SPTSSA: variants seen among roughly 807,000 people sequenced by gnomAD.
SPTSSA encodes small subunit of serine palmitoyltransferase A.
In SPTSSA, 8 loss-of-function variants were observed where a neutral mutation model predicts 9.1. The observed-to-expected ratio is 0.88, with a 90% CI of 0.51 to 1.58. SPTSSA has a LOEUF of 1.58. Among genes scored for constraint, SPTSSA ranks in the 40% most tolerant of loss-of-function variants. The pLI is 0.00. For missense variants in SPTSSA, 100 were observed against 93.8 expected (o/e 1.07, Z -0.27); for synonymous variants, 42 against 37.7 (o/e 1.11, Z -0.41).
chr14:34,444,633 C>T (rs923997249), intron 1 of SPTSSA, among the ~76,000 whole-genome samples: 2 of 151,460 alleles, frequency 1.3e-5, no homozygotes. Context: ...GCACCTGTAA[C>T]CCCAGCTACC....
chr14:34,454,611 T>C (rs1458763290), intron 1 of SPTSSA, among the ~76,000 whole-genome samples: 2 of 151,986 alleles, frequency 1.3e-5, no homozygotes, highest in East Asian at 3.9e-4. Context: ...GGCCCTGGAG[T>C]TAACAAGACA....
chr14:34,458,793 T>C (rs1878546747), intron 1 of SPTSSA, among the ~76,000 whole-genome samples: 1 of 151,924 alleles, frequency 6.6e-6, no homozygotes. Context: ...TTCTAGCTAT[T>C]TGACTTGGGA....
chr14:34,458,663 ATTTTTT>A (rs35426259), intron 1 of SPTSSA, among the ~76,000 whole-genome samples: 5 of 89,618 alleles, frequency 5.6e-5, no homozygotes, highest in South Asian at 3.6e-4. Context: ...CACTCAGCTA[ATTTTTT>A]TTTTTTTTTT....
intron 1 of SPTSSA, among the ~76,000 whole-genome samples, chr14:34,437,983 T>G (rs1883264857): frequency 6.6e-6 from 1 of 152,000 alleles, no homozygotes; most frequent in South Asian, 2.1e-4. Flanking sequence ...TTATTATTTT[T>G]GTAGAGATGG....
rs774640326 is a variant in SPTSSA, at chr14:34,435,161, G to C, written c.*40C>G. On this transcript the variant is annotated 3_prime_UTR_variant, in exon 2 of 2. Transcript: ENST00000298130. ...GGTCTCATTCCAACTTCGTAGGGTGGGTCTTCCCCAAGGAACCTCTGATCC... is the reference window on the plus strand; with the variant it reads ...GGTCTCATTCCAACTTCGTAGGGTGCGTCTTCCCCAAGGAACCTCTGATCC... 88 of 1,529,230 alleles carry C rather than the reference G, an allele frequency of 5.8e-5. No homozygotes were observed. The highest frequency in any genetic ancestry group is 7.5e-5 in the Non-Finnish European group (83 of 1,108,182). 94.7% of individuals were successfully genotyped at this position (1,529,230 alleles called of 1,614,324 possible).
At chr14:34,439,845 G>A (rs115766583) in intron 1 of SPTSSA, among the ~76,000 whole-genome samples, 2,630 of 152,264 alleles carry the variant, frequency 0.017, 83 homozygotes, top group African/African-American at 0.061. Flanking sequence ...AAGTATCTGT[G>A]TTCTTAACCA....
chr14:34,443,172 T>TGTGTGTGTGTG (rs1883353252), intron 1 of SPTSSA, among the ~76,000 whole-genome samples: 2 of 60,690 alleles, frequency 3.3e-5, no homozygotes, highest in Non-Finnish European at 5.5e-5. Context: ...TGTGTGTGTG[T>TGTGTGTGTGTG]TTTGAGATTG....
intron 1 of SPTSSA, among the ~76,000 whole-genome samples, chr14:34,456,461 G>A (rs1201117896): frequency 6.6e-6 from 1 of 152,150 alleles, no homozygotes; most frequent in Admixed American, 6.5e-5. Flanking sequence ...GTCTTTCAGG[G>A]TGAATCTAAT....
At chr14:34,451,489 C>A (rs1883519903) in intron 1 of SPTSSA, among the ~76,000 whole-genome samples, 1 of 151,960 alleles carries the variant, frequency 6.6e-6, no homozygotes, top group South Asian at 2.1e-4. Flanking sequence ...TTTGGGAGGC[C>A]AAGGTGGGCA....
intron 1 of SPTSSA, among the ~76,000 whole-genome samples, chr14:34,455,464 AC>A (rs1425159015): frequency 3.3e-5 from 5 of 152,098 alleles, no homozygotes; most frequent in African/African-American, 1.2e-4. Context: ...AACTGCTGAC[AC>A]TGGTTGTCCC....
chr14:34,446,536 T>C (rs921545583), intron 1 of SPTSSA, among the ~76,000 whole-genome samples: 1 of 152,224 alleles, frequency 6.6e-6, no homozygotes, highest in African/African-American at 2.4e-5. Flanking sequence ...AGGCCCAATG[T>C]AGGTAAGAAA....
intron 1 of SPTSSA, among the ~76,000 whole-genome samples, chr14:34,437,501 G>A (rs1883258572): frequency 6.6e-6 from 1 of 152,172 alleles, no homozygotes; most frequent in Non-Finnish European, 1.5e-5. Flanking sequence ...TAACCAATTA[G>A]AGGGATCTCT....
intron 1 of SPTSSA, among the ~76,000 whole-genome samples, chr14:34,443,697 A>G (rs1342533627): frequency 1.3e-5 from 2 of 151,956 alleles, no homozygotes; most frequent in Non-Finnish European, 2.9e-5. Context: ...CACCACACCC[A>G]GGTAATTTTT....
chr14:34,455,280 G>C (rs929897725), intron 1 of SPTSSA, among the ~76,000 whole-genome samples: 2 of 151,994 alleles, frequency 1.3e-5, no homozygotes, highest in African/African-American at 4.8e-5. Flanking sequence ...CCAGCTACTG[G>C]GGAGGCTGAT....
At chr14:34,453,484 G>A (rs989323434) in intron 1 of SPTSSA, among the ~76,000 whole-genome samples, 8 of 152,192 alleles carry the variant, frequency 5.3e-5, no homozygotes, top group Admixed American at 1.3e-4. Flanking sequence ...ACCTACTGCT[G>A]ACATTTCCAT....
intron 1 of SPTSSA, among the ~76,000 whole-genome samples, chr14:34,449,503 CTTTTTT>C: frequency 8.1e-6 from 1 of 123,716 alleles, no homozygotes; most frequent in Non-Finnish European, 1.7e-5. Flanking sequence ...CCCGGCCTCC[CTTTTTT>C]TTTTTTTTTT....
chr14:34,451,961 C>G (rs899827737), intron 1 of SPTSSA, among the ~76,000 whole-genome samples: 3 of 151,928 alleles, frequency 2.0e-5, no homozygotes, highest in African/African-American at 7.2e-5. Context: ...CCTTTGACCT[C>G]AAAAAACTGC....
At chr14:34,442,016 C>T (rs1883324966) in intron 1 of SPTSSA, among the ~76,000 whole-genome samples, 1 of 152,110 alleles carries the variant, frequency 6.6e-6, no homozygotes. Context: ...GGTGGGATTA[C>T]AGGCGCCCGC....
intron 1 of SPTSSA, among the ~76,000 whole-genome samples, chr14:34,437,679 G>C (rs1157325067): frequency 6.6e-6 from 1 of 152,158 alleles, no homozygotes; most frequent in Non-Finnish European, 1.5e-5. Context: ...GCAAGATTCA[G>C]AACAAAGCTG....
Sources: gnomAD v4.1 joint callset for allele counts (sites outside exome capture counted in the v4.1 genomes callset) on GRCh38, gnomAD v4.1.1 for gene constraint, MANE v1.5 for transcripts, NCBI Gene and HGNC (gene_info 2026-07-23, HGNC 2026-07-21) for gene names.